MBD4: variants seen among roughly 807,000 people sequenced by gnomAD.
MBD4 encodes methyl-CpG-binding domain protein 4.
MBD4 carries 53 observed loss-of-function variants against 60.2 expected under a neutral mutation model. The ratio of observed to expected loss-of-function variants is 0.88; its 90% CI spans 0.71 to 1.11. The LOEUF (loss-of-function observed/expected upper bound fraction) is 1.11, where lower values mean the gene tolerates loss of function less well. Among genes scored for constraint, MBD4 ranks in the 50% least tolerant of loss-of-function variants. MBD4 has a pLI of 0.00. For missense variants in MBD4, 619 were observed against 674.0 expected (o/e 0.92, Z 0.90); for synonymous variants, 231 against 229.8 (o/e 1.01, Z -0.05).
chr3:129,438,076 C>T (rs952016075), intron 1 of MBD4, 126 bp from the exon 2 acceptor site: 4 of 659,528 alleles, frequency 6.1e-6, no homozygotes, highest in Non-Finnish European at 1.1e-5. Context: ...AGATTAAAGT[C>T]AGTGTGGACC....
In MBD4 at chr3:129,436,830, C is replaced by G. The variant is rs766101390; in HGVS notation, c.814G>C (p.Asp272His). Residue 272 changes from aspartate (D) to histidine (H), a missense_variant, in exon 3 of 8, where the codon GAT (aspartate) becomes CAT (histidine). Coordinates refer to ENST00000429544, the MANE Select transcript of MBD4 (RefSeq NM_001276270.2). Reference protein sequence around the residue: ...SKRESVCNKADAESEPVAQKS... With the variant: ...SKRESVCNKAHAESEPVAQKS... ...TGTGCAACAGGTTCACTTTCAGCAT[C>G]TGCTTTATTACACACAGATTCTCTT... 6.2e-7 allele frequency: 1 copy of G among 1,614,154 alleles called. No individual in the cohort carries two copies. Among genetic ancestry groups the G allele is most frequent in the Admixed American group, 1.7e-5 (1 of 60,028 alleles).
At position 129,434,092 on chromosome 3, in the gene MBD4, G is replaced by A; in HGVS notation, c.1228C>T (p.Leu410=). The A allele has an allele frequency of 6.2e-7, 1 of 1,614,066 alleles. No homozygotes were observed. Among genetic ancestry groups the A allele is most frequent in the Non-Finnish European group, 8.5e-7 (1 of 1,179,966 alleles). The change falls in exon 4 of 8, where the codon CTG becomes TTG. Residue 410 remains leucine (L), a synonymous_variant. Coordinates refer to ENST00000429544, the MANE Select transcript of MBD4 (RefSeq NM_001276270.2). ...TTGTTATATTTGCTGGAAAAATACA[G>A]GCTTGTTTTCCTTCTTTCTATCTGT... ...RTQIERRKTS[L]YFSSKYNKEA... is the part of the protein sequence containing the mutation.
At chr3:129,433,824 G>C (rs771075532) in intron 5 of MBD4, 26 bp downstream of exon 5, 6 of 1,613,670 alleles carry the variant, frequency 3.7e-6, no homozygotes, top group Non-Finnish European at 5.1e-6. Context: ...TCTCTACTAA[G>C]ACAAAGATGA....
In MBD4 at chr3:129,431,265, A is replaced by AT. The variant is rs199986666; in HGVS notation, c.*235dup. 2,264 of 485,460 alleles carry AT rather than the reference A, an allele frequency of 4.7e-3. 7 individuals carry two copies. The highest frequency in any genetic ancestry group is 4.9e-3 in the Non-Finnish European group (1,337 of 272,282). The allele number at this position is 485,460 out of a possible 1,614,324, so 30.1% of individuals were successfully genotyped here. A position where few individuals can be genotyped will look rare whatever the true frequency, so the allele number is the denominator to read the frequency against. On this transcript the variant is annotated 3_prime_UTR_variant, in exon 8 of 8. Transcript: ENST00000429544. ...TATATTTCATCATTGGAAAAGCCGT[A>AT]TTTTTTTTGGATTGTTGTCAAATAA...
chr3:129,437,836 C>T lies in MBD4; in HGVS notation c.219G>A (p.Gln73=). ...ATTCTGTTCCTGCAGTAGCACCAAA[C>T]TGAGCAGAAGCGATGGGTTCTTGTA... ...PLLQEPIASA[Q]FGATAGTECR... Residue 73 remains glutamine (Q), a synonymous_variant, in exon 2 of 8, where the codon CAG becomes CAA. Coordinates refer to ENST00000429544, the MANE Select transcript of MBD4 (RefSeq NM_001276270.2). 1 of 1,614,086 alleles carries T rather than the reference C, an allele frequency of 6.2e-7. No individual in the cohort carries two copies. Among genetic ancestry groups the T allele is most frequent in the Non-Finnish European group, 8.5e-7 (1 of 1,179,898 alleles).
Position 129,439,916 on chromosome 3 carries a change from C to T in MBD4, c.-83G>A, listed in dbSNP as rs757035295. The T allele has an allele frequency of 2.1e-5, 21 of 985,248 alleles. No homozygotes were observed. The highest frequency in any genetic ancestry group is 3.0e-5 in the Non-Finnish European group (19 of 627,942). The allele number at this position is 985,248 out of a possible 1,614,324, so 61.0% of individuals were successfully genotyped here. A position where few individuals can be genotyped will look rare whatever the true frequency, so the allele number is the denominator to read the frequency against. On this transcript the variant is annotated 5_prime_UTR_variant, in exon 1 of 8. Coordinates refer to ENST00000429544, the MANE Select transcript of MBD4 (RefSeq NM_001276270.2). ...GGAGTAAGATGTGAAACCTCTTCAG[C>T]TCACGGCACCGGGCTGCAACCGAGG...
intron 1 of MBD4, among the ~76,000 whole-genome samples, chr3:129,439,513 A>G (rs2072661725): frequency 6.6e-6 from 1 of 152,180 alleles, no homozygotes; most frequent in African/African-American, 2.4e-5. Context: ...GCTCCCCCCC[A>G]GTCTCCCTAG....
In MBD4 at chr3:129,439,905, A is replaced by C; in HGVS notation, c.-72T>G. 6.5e-6 allele frequency: 7 copies of C among 1,076,480 alleles called. No homozygotes were observed. The highest frequency in any genetic ancestry group is 9.9e-6 in the Non-Finnish European group (7 of 704,828). 66.7% of individuals were successfully genotyped at this position (1,076,480 alleles called of 1,614,324 possible). ...GGGTGTGGGGCGGAGTAAGATGTGA[A>C]ACCTCTTCAGCTCACGGCACCGGGC... is the stretch of plus-strand genomic sequence containing the variant. On this transcript the variant is annotated 5_prime_UTR_variant, in exon 1 of 8. Transcript: ENST00000429544.
In MBD4 at chr3:129,431,113, C is replaced by T. The variant is rs1048115318; in HGVS notation, c.*388G>A. 5.4e-5 allele frequency: 12 copies of T among 224,296 alleles called. No homozygotes were observed. The highest frequency in any genetic ancestry group is 1.1e-4 in the South Asian group (2 of 17,544). 13.9% of individuals were successfully genotyped at this position (224,296 alleles called of 1,614,324 possible). A position where few individuals can be genotyped will look rare whatever the true frequency, so the allele number is the denominator to read the frequency against. ...AAATGATCCTCCTGCCTCAGCCTTC[C>T]GAGATTACAGGCATGCACCACCACG... On this transcript the variant is annotated 3_prime_UTR_variant, in exon 8 of 8. Coordinates refer to ENST00000429544, the MANE Select transcript of MBD4 (RefSeq NM_001276270.2).
intron 5 of MBD4, chr3:129,433,630 T>G (rs2072399393): frequency 3.3e-6 from 2 of 606,540 alleles, no homozygotes; most frequent in Non-Finnish European, 5.8e-6. Context: ...CAAAAAGAAT[T>G]TGGAAGTATA....
intron 7 of MBD4, among the ~76,000 whole-genome samples, 156 bp from the exon 8 acceptor site, chr3:129,431,734 A>C (rs2072348495): frequency 6.6e-6 from 1 of 152,232 alleles, no homozygotes; most frequent in Non-Finnish European, 1.5e-5. Context: ...ATTCATGAAT[A>C]TTTTAAGTTA....
chr3:129,436,406 C>T, intron 3 of MBD4, 55 bp downstream of exon 3: 1 of 1,602,474 alleles, frequency 6.2e-7, no homozygotes, highest in Non-Finnish European at 8.5e-7. Flanking sequence ...AATTTCTCAT[C>T]ACATAATGTT....
chr3:129,431,667 TG>T, intron 7 of MBD4, 89 bp from the exon 8 acceptor site: 1 of 893,878 alleles, frequency 1.1e-6, no homozygotes, highest in African/African-American at 1.6e-5. Context: ...AAATGTTTGC[TG>T]GGGGACAGTA....
chr3:129,432,940 A>C (rs2072381335), intron 6 of MBD4, among the ~76,000 whole-genome samples, 158 bp downstream of exon 6: 1 of 152,172 alleles, frequency 6.6e-6, no homozygotes, highest in Non-Finnish European at 1.5e-5. Flanking sequence ...TCAGTGGGAG[A>C]CTGTGGTTTG....
chr3:129,439,892 G>C lies in MBD4; in HGVS notation c.-59C>G. On this transcript the variant is annotated 5_prime_UTR_variant, in exon 1 of 8. Transcript: ENST00000429544. ...GCCGCAACGCCCAGGGTGTGGGGCG[G>C]AGTAAGATGTGAAACCTCTTCAGCT... 8.2e-7 allele frequency: 1 copy of C among 1,213,684 alleles called. No homozygotes were observed. Among genetic ancestry groups the C allele is most frequent in the East Asian group, 2.4e-5 (1 of 42,336 alleles). The allele number at this position is 1,213,684 out of a possible 1,614,324, so 75.2% of individuals were successfully genotyped here. A position where few individuals can be genotyped will look rare whatever the true frequency, so the allele number is the denominator to read the frequency against.
Position 129,437,057 on chromosome 3 carries a change from G to C in MBD4, c.587C>G (p.Ser196Ter). Residue 196 changes from serine (S) to a stop codon, truncating the protein, a stop_gained, in exon 3 of 8, where the codon TCA (serine) becomes TGA (stop). Coordinates refer to ENST00000429544, the MANE Select transcript of MBD4 (RefSeq NM_001276270.2). LOFTEE classifies it high-confidence loss of function. ...KDVFMPPSSS[S>*]ELQESRGLSN... ...GAGTCCTCTGCTCTCCTGCAACTCT[G>C]AACTACTACTTGGCGGCATAAACAC... 6.2e-7 allele frequency: 1 copy of C among 1,614,142 alleles called. No individual in the cohort carries two copies. Among genetic ancestry groups the C allele is most frequent in the Non-Finnish European group, 8.5e-7 (1 of 1,180,036 alleles).
rs1412049545 is a variant in MBD4 at position 129,430,964 on chromosome 3, C to CTTT, written c.*534_*536dup. Reference sequence around the variant, plus strand: ...GAATCTTATTTGTCTTTGGGGTCAGCTTTTATTTTTATTTTTTAAATATAT... The same window carrying CTTT: ...GAATCTTATTTGTCTTTGGGGTCAGCTTTTTTTATTTTTATTTTTTAAATATAT... On this transcript the variant is annotated 3_prime_UTR_variant, in exon 8 of 8. Transcript: ENST00000429544. The CTTT allele has an allele frequency of 1.9e-5, 3 of 154,160 alleles. No individual in the cohort carries two copies. Among genetic ancestry groups the CTTT allele is most frequent in the Non-Finnish European group, 4.3e-5 (3 of 69,458 alleles). 9.5% of individuals were successfully genotyped at this position (154,160 alleles called of 1,614,324 possible). A position where few individuals can be genotyped will look rare whatever the true frequency, so the allele number is the denominator to read the frequency against.
chr3:129,433,353 G>T lies in MBD4; in HGVS notation c.1394-106C>A, dbSNP rs1349775702. On this transcript the variant is annotated intron_variant, in intron 5 of 7. Coordinates refer to ENST00000429544, the MANE Select transcript of MBD4 (RefSeq NM_001276270.2). Reference sequence around the variant, plus strand: ...CATCCAGAGGGTTTTTTTTTTTAAAGAAAACAAAAAACAAAAAAACACTGG... The same window carrying T: ...CATCCAGAGGGTTTTTTTTTTTAAATAAAACAAAAAACAAAAAAACACTGG... 10 of 1,306,656 alleles carry T rather than the reference G, an allele frequency of 7.7e-6. No homozygotes were observed. In the African/African-American group the frequency reaches 1.2e-4, roughly 16 times the overall value. The allele number at this position is 1,306,656 out of a possible 1,614,324, so 80.9% of individuals were successfully genotyped here. A position where few individuals can be genotyped will look rare whatever the true frequency, so the allele number is the denominator to read the frequency against.
chr3:129,432,299 G>C, intron 7 of MBD4: 1 of 1,489,890 alleles, frequency 6.7e-7, no homozygotes, highest in Non-Finnish European at 8.9e-7. Context: ...AGGCCACGCC[G>C]CTGGACTGGT....
Sources: gnomAD v4.1 joint callset for allele counts (sites outside exome capture counted in the v4.1 genomes callset) on GRCh38, gnomAD v4.1.1 for gene constraint, MANE v1.5 for transcripts, NCBI Gene and HGNC (gene_info 2026-07-23, HGNC 2026-07-21) for gene names.